Variants in CCDC57 observed in about 807,000 individuals in gnomAD.
CCDC57 encodes the protein coiled-coil domain-containing protein 57.
A neutral mutation model predicts 118.9 loss-of-function variants in CCDC57; 118 were observed. The ratio of observed to expected loss-of-function variants is 0.99; its 90% CI spans 0.86 to 1.16. CCDC57 has a LOEUF of 1.16. CCDC57 is among the 50% of genes most tolerant of loss of function. CCDC57 has a pLI of 0.00. For missense variants in CCDC57, 1,300 were observed against 1,320.7 expected (o/e 0.98, Z 0.24); for synonymous variants, 527 against 532.9 (o/e 0.99, Z 0.15).
chr17:82,195,427 T>A, intron 4 of CCDC57, 63 bp from the exon 4 acceptor site: 3 of 1,299,888 alleles, frequency 2.3e-6, no homozygotes, highest in Non-Finnish European at 3.3e-6. Context: ...CCCACCCACG[T>A]CCTGGGAGGT....
Position 82,136,166 on chromosome 17 carries a change from T to A in CCDC57, c.2456-1972A>T, listed in dbSNP as rs74001560. On this transcript the variant is annotated intron_variant, in intron 16 of 19. Transcript: ENST00000665763. Reference sequence around the variant, plus strand: ...ATGTTCACAGCAATATTATTCACAATAGCCCAAAGGCGGAAACCATCCAAA... The same window carrying A: ...ATGTTCACAGCAATATTATTCACAAAAGCCCAAAGGCGGAAACCATCCAAA... Among the ~76,000 whole-genome samples, 443 of 152,234 alleles carry A rather than the reference T, an allele frequency of 2.9e-3. 1 individual carries two copies. Among genetic ancestry groups the A allele is most frequent in the African/African-American group, 0.01 (424 of 41,550 alleles).
intron 15 of CCDC57, chr17:82,153,807 G>A (rs1286338984): frequency 2.0e-5 from 3 of 152,308 alleles, no homozygotes; most frequent in Non-Finnish European, 4.4e-5. Context: ...GCACCCCACA[G>A]GTGAGGAGGA....
chr17:82,132,118 CAAAAAA>C (rs58856013), intron 17 of CCDC57, among the ~76,000 whole-genome samples: 10 of 101,900 alleles, frequency 9.8e-5, no homozygotes, highest in Admixed American at 3.0e-4. Context: ...GACTCTGTCT[CAAAAAA>C]AAAAAAAAAA....
intron 14 of CCDC57, among the ~76,000 whole-genome samples, chr17:82,161,391 C>T (rs2043312681): frequency 6.6e-6 from 1 of 152,174 alleles, no homozygotes; most frequent in African/African-American, 2.4e-5. Flanking sequence ...CAGAGCAATT[C>T]CGCTCCCAGG....
chr17:82,117,562 C>G (rs949307943), intron 19 of CCDC57, among the ~76,000 whole-genome samples: 2 of 152,046 alleles, frequency 1.3e-5, no homozygotes, highest in Non-Finnish European at 2.9e-5. Flanking sequence ...TGCTTGAGCC[C>G]GGGAGGTTGA....
At chr17:82,196,749 G>A (rs552603893) in intron 4 of CCDC57, among the ~76,000 whole-genome samples, 8 of 151,494 alleles carry the variant, frequency 5.3e-5, no homozygotes, top group South Asian at 2.1e-4. Context: ...CTGCAGAGAC[G>A]CAGCCCCTCA....
chr17:82,178,713 T>TCC (rs1407629428), intron 10 of CCDC57, 108 bp from the exon 10 acceptor site: 1 of 1,468,910 alleles, frequency 6.8e-7, no homozygotes, highest in African/African-American at 1.4e-5. Context: ...AGCACCAGGC[T>TCC]CCCCACTGTG....
intron 13 of CCDC57, among the ~76,000 whole-genome samples, chr17:82,164,036 TCA>T (rs746952645): frequency 1.3e-5 from 2 of 151,140 alleles, no homozygotes; most frequent in African/African-American, 4.9e-5. Context: ...CGAGACCCTG[TCA>T]CACACACACA....
At chr17:82,151,513 A>C (rs1381263494) in intron 16 of CCDC57, 47 bp downstream of exon 15, 4 of 1,536,772 alleles carry the variant, frequency 2.6e-6, no homozygotes, top group Non-Finnish European at 3.5e-6. Flanking sequence ...GTGCACACCC[A>C]GAACCTGACC....
intron 1 of CCDC57, among the ~76,000 whole-genome samples, chr17:82,209,935 G>T (rs2050053038): frequency 6.6e-6 from 1 of 152,102 alleles, no homozygotes. Context: ...CTGGGATCTT[G>T]GTTTCTAAAC....
In CCDC57 at chr17:82,157,467, G is replaced by A. The variant is rs2042812367; in HGVS notation, c.2241+281C>T. 3.6e-6 allele frequency: 5 copies of A among 1,393,634 alleles called. No individual in the cohort carries two copies. In the South Asian group the frequency reaches 5.0e-5, roughly 14 times the overall value. 86.3% of individuals were successfully genotyped at this position (1,393,634 alleles called of 1,614,324 possible). On this transcript the variant is annotated intron_variant, in intron 15 of 19. Transcript: ENST00000665763. Reference sequence around the variant, plus strand: ...AGTGTGTGCGTTTCCAACACAAGATGCTGTTAGCTGAAGGGAGGACTGGGA... The same window carrying A: ...AGTGTGTGCGTTTCCAACACAAGATACTGTTAGCTGAAGGGAGGACTGGGA...
intron 19 of CCDC57, among the ~76,000 whole-genome samples, chr17:82,115,871 C>CACTGTA (rs1477707479): frequency 7.3e-6 from 1 of 136,366 alleles, no homozygotes; most frequent in African/African-American, 2.7e-5. Context: ...GATCTTGACT[C>CACTGTA]ACTGTAACCT....
At chr17:82,181,348 G>A (rs985307067) in intron 9 of CCDC57, among the ~76,000 whole-genome samples, 7 of 152,250 alleles carry the variant, frequency 4.6e-5, no homozygotes, top group Admixed American at 3.3e-4. Flanking sequence ...GGCACGCAGT[G>A]GGGTCTGGGA....
rs1364733669 is a variant in CCDC57, at chr17:82,172,580, C to T, written c.1729+58G>A. On this transcript the variant is annotated intron_variant, in intron 12 of 19. Coordinates refer to ENST00000665763, the Ensembl canonical transcript of CCDC57. This position sits in a 1 kb window ranked among gnomAD's most constrained non-coding sequence, Gnocchi z 5.2. Reference sequence around the variant, plus strand: ...GTCAAGACCCATGCTCCCGTCTGTCCTCCTCCCTCCCTCTCCCCCTTCCTC... The same window carrying T: ...GTCAAGACCCATGCTCCCGTCTGTCTTCCTCCCTCCCTCTCCCCCTTCCTC... The T allele has an allele frequency of 2.1e-6, 3 of 1,445,482 alleles. No homozygotes were observed. Among genetic ancestry groups the T allele is most frequent in the Admixed American group, 2.0e-5 (1 of 50,834 alleles). The allele number at this position is 1,445,482 out of a possible 1,614,324, so 89.5% of individuals were successfully genotyped here.
intron 7 of CCDC57, among the ~76,000 whole-genome samples, chr17:82,190,616 A>G (rs1255127629): frequency 6.7e-6 from 1 of 148,588 alleles, no homozygotes; most frequent in African/African-American, 2.5e-5. Flanking sequence ...AATAGCTTGA[A>G]CTCAAGAGGC....
chr17:82,198,419 G>A (rs780467885), exon 4 of CCDC57: 19 of 1,587,626 alleles, frequency 1.2e-5, no homozygotes, highest in Non-Finnish European at 1.6e-5. Flanking sequence ...CACCATTCTT[G>A]TCACTATGGT....
intron 16 of CCDC57, among the ~76,000 whole-genome samples, chr17:82,137,801 G>A (rs564197187): frequency 6.6e-6 from 1 of 151,560 alleles, no homozygotes; most frequent in Non-Finnish European, 1.5e-5. Flanking sequence ...AGCCTCCCGG[G>A]TAGCTGGGAT....
At position 82,172,900 on chromosome 17, in the gene CCDC57, G is replaced by T. The variant is rs774209528; in HGVS notation, c.1507-40C>A. The T allele has an allele frequency of 1.9e-6, 3 of 1,554,138 alleles. No individual in the cohort carries two copies. The highest frequency in any genetic ancestry group is 1.2e-5 in the South Asian group (1 of 86,100). On this transcript the variant is annotated intron_variant, in intron 11 of 19. Transcript: ENST00000665763. This position sits in a 1 kb window ranked among gnomAD's most constrained non-coding sequence, Gnocchi z 5.2. ...GAAAAATGGCTACAAAAAGATGAAT[G>T]GTTCCCCAGCTTGTCCTGACAGGCT... is the stretch of plus-strand genomic sequence containing the variant.
chr17:82,163,225 A>C, exon 14 of CCDC57: 1 of 1,613,944 alleles, frequency 6.2e-7, no homozygotes, highest in Non-Finnish European at 8.5e-7. Context: ...TGTCACCAGC[A>C]GGTTTAGGAG....
Sources: allele counts gnomAD v4.1 joint callset (sites outside exome capture counted in the v4.1 genomes callset), GRCh38; gene constraint gnomAD v4.1.1; non-coding constraint Gnocchi (gnomAD v3.1); transcripts MANE v1.5; gene names NCBI Gene and HGNC (gene_info 2026-07-23, HGNC 2026-07-21).